ROBO1: variants seen among roughly 807,000 people sequenced by gnomAD.
ROBO1 encodes the protein roundabout guidance receptor 1.
Under a neutral mutation model 195.9 loss-of-function variants are expected in ROBO1, and 149 were observed. The ratio of observed to expected loss-of-function variants is 0.76; its 90% CI spans 0.67 to 0.87. ROBO1 has a LOEUF of 0.87. Ranked by LOEUF, ROBO1 falls within the 40% of genes least tolerant of loss-of-function variation. The probability of loss-of-function intolerance (pLI) is 0.00; values close to 1 mark genes in which losing one functional copy is unlikely to be tolerated. For missense variants in ROBO1, 1,933 were observed against 2,068.3 expected, an observed-to-expected ratio of 0.93 and a Z score of 1.27; for synonymous variants, 816 against 733.2, an observed-to-expected ratio of 1.11 and a Z score of -1.82.
intron 3 of ROBO1, chr3:79,018,352 T>C: frequency 6.2e-7 from 1 of 1,605,108 alleles, no homozygotes; most frequent in Non-Finnish European, 8.5e-7. Context: ...TCGTGCAAAG[T>C]GGAGAGGGGG....
intron 1 of ROBO1, among the ~76,000 whole-genome samples, chr3:79,737,780 G>A (rs1703450070): frequency 6.6e-6 from 1 of 152,186 alleles, no homozygotes; most frequent in African/African-American, 2.4e-5. Flanking sequence ...GGCTGTCAGT[G>A]CTTTCCAGCT....
At chr3:78,830,009 T>C (rs2032008385) in intron 4 of ROBO1, among the ~76,000 whole-genome samples, 2 of 152,162 alleles carry the variant, frequency 1.3e-5, no homozygotes. Flanking sequence ...ATAGCCGTAA[T>C]AGGTGTGGTG....
At chr3:79,622,806 C>T (rs546670591) in intron 1 of ROBO1, among the ~76,000 whole-genome samples, 8 of 152,318 alleles carry the variant, frequency 5.3e-5, no homozygotes, top group African/African-American at 1.9e-4. Flanking sequence ...ACCCCCTCCA[C>T]CAAAGGACAA....
rs1318908990 is a variant in ROBO1, at chr3:78,661,109, A to T, written c.2241T>A (p.Tyr747Ter). 6.2e-7 allele frequency: 1 copy of T among 1,613,752 alleles called. No homozygotes were observed. Residue 747 changes from tyrosine (Y) to a stop codon, truncating the protein, a stop_gained, in exon 16 of 31, where the codon TAT becomes TAA. Transcript: ENST00000464233. LOFTEE classifies it high-confidence loss of function. ...TAAAAAAAGGGCGAGCCTTAATTTC[A>T]TAGTTGACTCCCTTTCTGAGATCAG... ...VIPDLRKGVN[Y>*]EIKARPFFNE...
At chr3:79,673,272 A>T (rs1173821029) in intron 1 of ROBO1, among the ~76,000 whole-genome samples, 1 of 152,004 alleles carries the variant, frequency 6.6e-6, no homozygotes, top group African/African-American at 2.4e-5. Flanking sequence ...AATTTTTATA[A>T]ATTCATCAAG....
At chr3:79,515,728 C>T (rs1283300094) in intron 2 of ROBO1, among the ~76,000 whole-genome samples, 4 of 152,038 alleles carry the variant, frequency 2.6e-5, no homozygotes, top group South Asian at 2.1e-4. Context: ...GGTTCGTGAA[C>T]GTGAATATAG....
intron 1 of ROBO1, among the ~76,000 whole-genome samples, chr3:79,694,932 C>T (rs148304586): frequency 2.6e-5 from 4 of 151,464 alleles, no homozygotes; most frequent in Non-Finnish European, 5.9e-5. Flanking sequence ...AATTTTGATT[C>T]TAGGATTCTC....
chr3:78,757,501 C>A (rs1382140230), intron 4 of ROBO1, among the ~76,000 whole-genome samples: 1 of 151,834 alleles, frequency 6.6e-6, no homozygotes, highest in East Asian at 1.9e-4. Flanking sequence ...ACAATACCAG[C>A]AGTTAAATAG....
chr3:79,310,355 A>T (rs771487388), intron 2 of ROBO1, among the ~76,000 whole-genome samples: 6 of 152,146 alleles, frequency 3.9e-5, no homozygotes, highest in Non-Finnish European at 8.8e-5. Flanking sequence ...CTCTCCTGGG[A>T]CTGGGGGCCT....
intron 3 of ROBO1, among the ~76,000 whole-genome samples, chr3:79,090,686 T>G (rs1231276324): frequency 6.6e-6 from 1 of 152,140 alleles, no homozygotes; most frequent in African/African-American, 2.4e-5. Flanking sequence ...TATTTTCTTA[T>G]CGGTAAAATG....
At position 78,848,899 on chromosome 3, in the gene ROBO1, G is replaced by A. The variant is rs1014796708; in HGVS notation, c.499+89702C>T. ...CCAGGAGCTAACTTAAGTGGTTATC[G>A]CACTAATTTTCAGGTAAAGATGATG... On this transcript the variant is annotated intron_variant, in intron 4 of 30. Transcript: ENST00000464233. 5.3e-5 allele frequency among the ~76,000 whole-genome samples: 8 copies of A among 152,196 alleles called. No individual in the cohort carries two copies. In the Middle Eastern group the frequency reaches 0.01, roughly 194 times the overall value.
intron 3 of ROBO1, among the ~76,000 whole-genome samples, chr3:79,008,750 T>C (rs1370877691): frequency 1.2e-5 from 1 of 83,414 alleles, no homozygotes; most frequent in Non-Finnish European, 2.2e-5. Context: ...CACTACACCA[T>C]GCTAATTTTT....
At chr3:78,651,096 A>G (rs1045669089) in intron 19 of ROBO1, among the ~76,000 whole-genome samples, 2 of 152,228 alleles carry the variant, frequency 1.3e-5, no homozygotes, top group African/African-American at 4.8e-5. Flanking sequence ...GTAAATAATA[A>G]TAGTGGCCAT....
chr3:78,938,785 T>TC lies in ROBO1; in HGVS notation c.314dup (p.Glu106ArgfsTer9). 1 of 1,613,920 alleles carries TC rather than the reference T, an allele frequency of 6.2e-7. No individual in the cohort carries two copies. Among genetic ancestry groups the TC allele is most frequent in the Non-Finnish European group, 8.5e-7 (1 of 1,179,878 alleles). ...CATCTTTGTCTGTCTCCACTCTCTC[T>TC]CCCCCTTTGTACCATTCAATAGTGG... On this transcript the variant is annotated frameshift_variant, in exon 4 of 31. Coordinates refer to ENST00000464233, the MANE Select transcript of ROBO1 (RefSeq NM_002941.4). LOFTEE classifies it high-confidence loss of function.
At chr3:78,913,634 T>C (rs893983425) in intron 4 of ROBO1, among the ~76,000 whole-genome samples, 5 of 152,172 alleles carry the variant, frequency 3.3e-5, no homozygotes, top group African/African-American at 7.2e-5. Context: ...TGTTTGCAGA[T>C]GTATTAATAT....
chr3:78,909,810 A>G (rs1333460948), intron 4 of ROBO1, among the ~76,000 whole-genome samples: 1 of 151,826 alleles, frequency 6.6e-6, no homozygotes, highest in East Asian at 1.9e-4. Context: ...TTAGTAAAAC[A>G]GTTATTTAAT....
At chr3:79,193,625 G>A (rs80144881) in intron 2 of ROBO1, among the ~76,000 whole-genome samples, 54 of 135,516 alleles carry the variant, frequency 4.0e-4, no homozygotes, top group Admixed American at 1.8e-3. Context: ...AGTAGAAATC[G>A]GTCAGTAAGT....
intron 8 of ROBO1, among the ~76,000 whole-genome samples, chr3:78,712,105 G>A (rs1393532042): frequency 1.3e-5 from 2 of 151,030 alleles, no homozygotes; most frequent in Non-Finnish European, 2.9e-5. Context: ...CTGTGCTGGG[G>A]GTGAAAATCA....
chr3:79,756,943 T>G (rs1372300330), intron 1 of ROBO1, among the ~76,000 whole-genome samples: 1 of 152,344 alleles, frequency 6.6e-6, no homozygotes, highest in Non-Finnish European at 1.5e-5. Context: ...TTATTTATCA[T>G]AATGTTTTCA....
Sources: gnomAD v4.1 joint callset for allele counts (sites outside exome capture counted in the v4.1 genomes callset) on GRCh38, gnomAD v4.1.1 for gene constraint, MANE v1.5 for transcripts, NCBI Gene and HGNC (gene_info 2026-07-23, HGNC 2026-07-21) for gene names.